The following HS6ST3 variants were observed in gnomAD, a reference collection of about 807,000 sequenced individuals.
HS6ST3 encodes heparan sulfate 6-O-sulfotransferase 3.
HS6ST3 carries 12 observed loss-of-function variants against 36.7 expected under a neutral mutation model. The ratio of observed to expected loss-of-function variants is 0.33; its 90% CI spans 0.21 to 0.53. The LOEUF (loss-of-function observed/expected upper bound fraction) is 0.53. Ranked by LOEUF, HS6ST3 falls within the 20% of genes least tolerant of loss-of-function variation. The pLI is 0.95. For synonymous variants in HS6ST3, 240 were observed against 257.5 expected, an observed-to-expected ratio of 0.93 and a Z score of 0.65; for missense variants, 584 against 640.9, an observed-to-expected ratio of 0.91 and a Z score of 0.96.
chr13:96,741,962 T>C (rs929693765), intron 1 of HS6ST3, among the ~76,000 whole-genome samples: 18 of 152,176 alleles, frequency 1.2e-4, no homozygotes, highest in Non-Finnish European at 2.5e-4. Context: ...TTCTATGTGA[T>C]TCATTGGTTT....
intron 1 of HS6ST3, among the ~76,000 whole-genome samples, chr13:96,799,013 G>A (rs886866033): frequency 6.6e-6 from 1 of 152,064 alleles, no homozygotes; most frequent in East Asian, 1.9e-4. Context: ...TTAGATGAGA[G>A]CCCACCCTAA....
intron 1 of HS6ST3, among the ~76,000 whole-genome samples, chr13:96,243,211 G>A (rs570345361): frequency 2.0e-5 from 3 of 152,296 alleles, no homozygotes; most frequent in Non-Finnish European, 2.9e-5. Flanking sequence ...GAAGTGCTGC[G>A]AGTCATGTAT....
At chr13:96,364,621 G>T (rs1165699203) in intron 1 of HS6ST3, among the ~76,000 whole-genome samples, 1 of 152,192 alleles carries the variant, frequency 6.6e-6, no homozygotes, top group Non-Finnish European at 1.5e-5. Context: ...GGAGCTGAGA[G>T]TGATGGTTTA....
intron 1 of HS6ST3, among the ~76,000 whole-genome samples, chr13:96,219,678 G>C (rs1307659147): frequency 6.6e-6 from 1 of 152,058 alleles, no homozygotes; most frequent in African/African-American, 2.4e-5. Flanking sequence ...ACCACAGGCA[G>C]GATTCTCTTT....
intron 1 of HS6ST3, among the ~76,000 whole-genome samples, chr13:96,122,860 A>C (rs2053932828): frequency 6.6e-6 from 1 of 152,188 alleles, no homozygotes; most frequent in African/African-American, 2.4e-5. Flanking sequence ...ATACAAGGAC[A>C]AGCACACCTA....
chr13:96,499,656 A>T (rs1325020096), intron 1 of HS6ST3, among the ~76,000 whole-genome samples: 4 of 152,122 alleles, frequency 2.6e-5, no homozygotes, highest in African/African-American at 9.7e-5. Context: ...TTCTGGGATG[A>T]TCACTTTCTG....
chr13:96,187,207 G>A (rs529143281), intron 1 of HS6ST3, among the ~76,000 whole-genome samples: 4 of 152,258 alleles, frequency 2.6e-5, no homozygotes, highest in Non-Finnish European at 5.9e-5. Flanking sequence ...GTACTTGTCT[G>A]CATTCTGTTC....
intron 1 of HS6ST3, among the ~76,000 whole-genome samples, chr13:96,310,972 C>G (rs540046051): frequency 6.6e-6 from 1 of 152,134 alleles, no homozygotes; most frequent in South Asian, 2.1e-4. Flanking sequence ...AAACAAAGGC[C>G]CTTGAAAATC....
At chr13:96,243,324 C>T (rs2054570046) in intron 1 of HS6ST3, among the ~76,000 whole-genome samples, 2 of 152,264 alleles carry the variant, frequency 1.3e-5, no homozygotes, top group South Asian at 4.1e-4. Flanking sequence ...TCTTTGTTTT[C>T]TTAGCAGACC....
intron 1 of HS6ST3, among the ~76,000 whole-genome samples, chr13:96,253,378 A>T (rs961168820): frequency 3.9e-5 from 6 of 152,144 alleles, no homozygotes; most frequent in Non-Finnish European, 5.9e-5. Flanking sequence ...TCCCCATGGA[A>T]GAAATCATGG....
At chr13:96,794,262 CA>C (rs1877858897) in intron 1 of HS6ST3, among the ~76,000 whole-genome samples, 1 of 152,164 alleles carries the variant, frequency 6.6e-6, no homozygotes, top group Admixed American at 6.6e-5. Flanking sequence ...AACTTTAAGA[CA>C]CTCACCTTCT....
At chr13:96,735,042 T>C (rs1876248309) in intron 1 of HS6ST3, among the ~76,000 whole-genome samples, 1 of 152,206 alleles carries the variant, frequency 6.6e-6, no homozygotes, top group Non-Finnish European at 1.5e-5. Context: ...TTGACATTTA[T>C]ACTCATTCAA....
At chr13:96,490,202 T>C (rs1420289263) in intron 1 of HS6ST3, among the ~76,000 whole-genome samples, 1 of 152,186 alleles carries the variant, frequency 6.6e-6, no homozygotes, top group Non-Finnish European at 1.5e-5. Flanking sequence ...AGTTTAATTC[T>C]ATAGGAAAGC....
At chr13:96,494,065 T>G (rs1409993999) in intron 1 of HS6ST3, among the ~76,000 whole-genome samples, 1 of 152,130 alleles carries the variant, frequency 6.6e-6, no homozygotes, top group Admixed American at 6.6e-5. Context: ...CCCCTGGAGC[T>G]TGCTACAATT....
chr13:96,424,701 C>T (rs773110166), intron 1 of HS6ST3, among the ~76,000 whole-genome samples: 11 of 152,026 alleles, frequency 7.2e-5, no homozygotes, highest in Non-Finnish European at 1.5e-4. Flanking sequence ...ATAAGGGCAC[C>T]GGTCCCATTC....
chr13:96,150,391 G>C (rs762061241), intron 1 of HS6ST3, among the ~76,000 whole-genome samples: 3 of 152,018 alleles, frequency 2.0e-5, no homozygotes, highest in Non-Finnish European at 4.4e-5. Context: ...GGACTCTATC[G>C]GGAACTGGCA....
intron 1 of HS6ST3, among the ~76,000 whole-genome samples, chr13:96,127,899 G>A (rs2053959175): frequency 6.6e-6 from 1 of 152,128 alleles, no homozygotes; most frequent in Non-Finnish European, 1.5e-5. Context: ...TAGAGAAGTA[G>A]GAAGAGGTAA....
At chr13:96,651,598 C>T (rs1165939747) in intron 1 of HS6ST3, among the ~76,000 whole-genome samples, 3 of 152,050 alleles carry the variant, frequency 2.0e-5, no homozygotes, top group African/African-American at 7.2e-5. Flanking sequence ...ATTCCTTCTC[C>T]AGCTGTTAAA....
intron 1 of HS6ST3, among the ~76,000 whole-genome samples, chr13:96,799,988 A>ATATATATATGTATATATATATG (rs1878020472): frequency 8.0e-6 from 1 of 124,454 alleles, no homozygotes; most frequent in Admixed American, 8.0e-5. Flanking sequence ...ATATGTATAT[A>ATATATATATGTATATATATATG]TATATATATG....
Sources: allele counts gnomAD v4.1 joint callset (sites outside exome capture counted in the v4.1 genomes callset), GRCh38; gene constraint gnomAD v4.1.1; transcripts MANE v1.5; gene names NCBI Gene and HGNC (gene_info 2026-07-23, HGNC 2026-07-21).